Variants in PTPRD observed in about 807,000 individuals in gnomAD.
The protein encoded by PTPRD is protein tyrosine phosphatase receptor type D.
Under a neutral mutation model 214.5 loss-of-function variants are expected in PTPRD, and 34 were observed. That is an observed-to-expected ratio of 0.16 (90% CI 0.12 to 0.21). PTPRD has a LOEUF of 0.21. PTPRD is among the 10% of genes least tolerant of loss of function. The pLI is 1.00. For synonymous variants in PTPRD, 1,128 were observed against 845.7 expected, an observed-to-expected ratio of 1.33 and a Z score of -5.79; for missense variants, 2,545 against 2,398.7, an observed-to-expected ratio of 1.06 and a Z score of -1.27.
chr9:10,559,421 C>G (rs1477610930), intron 2 of PTPRD, among the ~76,000 whole-genome samples: 3 of 152,142 alleles, frequency 2.0e-5, no homozygotes, highest in Non-Finnish European at 4.4e-5. Flanking sequence ...AATGGCCACA[C>G]AGTTCTATTT....
At chr9:9,693,096 T>G (rs1410498223) in intron 7 of PTPRD, among the ~76,000 whole-genome samples, 1 of 151,970 alleles carries the variant, frequency 6.6e-6, no homozygotes, top group Non-Finnish European at 1.5e-5. Flanking sequence ...CCTTTCCAAT[T>G]TGGATGCCCT....
At chr9:9,637,815 G>C (rs915402420) in intron 7 of PTPRD, among the ~76,000 whole-genome samples, 58 of 152,170 alleles carry the variant, frequency 3.8e-4, no homozygotes, top group African/African-American at 1.4e-3. Context: ...GGCACTGTGT[G>C]GCAGTTCCAC....
chr9:8,943,835 A>G (rs1453783768), intron 11 of PTPRD, among the ~76,000 whole-genome samples: 1 of 151,722 alleles, frequency 6.6e-6, no homozygotes, highest in African/African-American at 2.4e-5. Context: ...AAGACATTGG[A>G]CTGAGTAAAG....
intron 3 of PTPRD, among the ~76,000 whole-genome samples, chr9:10,069,564 A>G (rs1287292968): frequency 6.6e-6 from 1 of 152,026 alleles, no homozygotes; most frequent in Non-Finnish European, 1.5e-5. Flanking sequence ...AACCAGATAC[A>G]GTTATTCAGA....
intron 32 of PTPRD, 88 bp from the exon 33 acceptor site, chr9:8,460,659 A>T (rs2096371839): frequency 1.5e-6 from 2 of 1,321,644 alleles, no homozygotes; most frequent in African/African-American, 3.0e-5. Context: ...AAAATCCAGG[A>T]AATAGTGGAT....
intron 14 of PTPRD, among the ~76,000 whole-genome samples, chr9:8,603,616 G>A (rs1007078707): frequency 4.6e-5 from 7 of 152,012 alleles, no homozygotes; most frequent in South Asian, 2.1e-4. Context: ...GAAGTCACCC[G>A]AATTCAGCAA....
At chr9:10,370,619 T>A (rs2097592628) in intron 2 of PTPRD, among the ~76,000 whole-genome samples, 1 of 152,110 alleles carries the variant, frequency 6.6e-6, no homozygotes, top group African/African-American at 2.4e-5. Flanking sequence ...CTATGAAATT[T>A]CTGCAGACAG....
At chr9:9,521,046 T>G (rs1044109917) in intron 8 of PTPRD, among the ~76,000 whole-genome samples, 1 of 152,176 alleles carries the variant, frequency 6.6e-6, no homozygotes, top group Non-Finnish European at 1.5e-5. Flanking sequence ...AAAGAATCTT[T>G]AATTAAAATG....
intron 3 of PTPRD, among the ~76,000 whole-genome samples, chr9:10,070,376 T>C (rs1033901107): frequency 6.6e-6 from 1 of 152,208 alleles, no homozygotes; most frequent in Admixed American, 6.6e-5. Context: ...GTACCTCTTG[T>C]TCAATAAAAT....
chr9:8,355,938 G>C (rs941345078), intron 39 of PTPRD, among the ~76,000 whole-genome samples: 1 of 152,072 alleles, frequency 6.6e-6, no homozygotes, highest in African/African-American at 2.4e-5. Context: ...ACAAAAAGGT[G>C]CACAGAATAC....
chr9:10,122,627 G>A (rs952169353), intron 3 of PTPRD, among the ~76,000 whole-genome samples: 69 of 152,042 alleles, frequency 4.5e-4, no homozygotes, highest in African/African-American at 1.5e-3. Flanking sequence ...ACCACACATT[G>A]GGCTCAATTA....
intron 3 of PTPRD, among the ~76,000 whole-genome samples, chr9:10,048,319 CACTA>C (rs2097446324): frequency 6.6e-6 from 1 of 152,106 alleles, no homozygotes; most frequent in Non-Finnish European, 1.5e-5. Flanking sequence ...ACTCAAGACT[CACTA>C]GCCCCCAGTA....
chr9:9,378,801 T>C (rs565251190), intron 9 of PTPRD, among the ~76,000 whole-genome samples: 3 of 152,262 alleles, frequency 2.0e-5, no homozygotes, highest in Non-Finnish European at 4.4e-5. Context: ...AATTGCCATC[T>C]GTATATCTTC....
chr9:8,858,036 C>G (rs1399332710), intron 11 of PTPRD: 1 of 159,596 alleles, frequency 6.3e-6, no homozygotes. Flanking sequence ...CCCGCTCCTC[C>G]TGCTCGCCCT....
chr9:9,008,205 T>TTTTTTTTATTTATTTATTTA (rs372318540), intron 11 of PTPRD, among the ~76,000 whole-genome samples: 2 of 121,220 alleles, frequency 1.6e-5, no homozygotes, highest in South Asian at 3.0e-4. Context: ...CTCCCCTTCA[T>TTTTTTTTATTTATTTATTTA]TTTATTTATT....
At chr9:9,863,453 G>C (rs2063236654) in intron 5 of PTPRD, among the ~76,000 whole-genome samples, 1 of 152,146 alleles carries the variant, frequency 6.6e-6, no homozygotes, top group South Asian at 2.1e-4. Flanking sequence ...GAATGTGTCT[G>C]ATCAGTTTCC....
chr9:10,033,287 T>G, intron 4 of PTPRD, among the ~76,000 whole-genome samples: 1 of 151,856 alleles, frequency 6.6e-6, no homozygotes, highest in Non-Finnish European at 1.5e-5. Context: ...AATAGCTACA[T>G]ATTTGACTTT....
At chr9:9,945,009 G>T (rs1278484168) in intron 4 of PTPRD, among the ~76,000 whole-genome samples, 1 of 151,258 alleles carries the variant, frequency 6.6e-6, no homozygotes, top group African/African-American at 2.5e-5. Context: ...GTGTTGAGAG[G>T]TAGCTAGAAT....
At chr9:9,843,515 T>C (rs781386373) in intron 5 of PTPRD, among the ~76,000 whole-genome samples, 42 of 151,758 alleles carry the variant, frequency 2.8e-4, no homozygotes, top group Admixed American at 1.2e-3. Context: ...TATAAGGTTT[T>C]ATAAGAATTA....
Sources: gnomAD v4.1 joint callset for allele counts (sites outside exome capture counted in the v4.1 genomes callset) on GRCh38, gnomAD v4.1.1 for gene constraint, MANE v1.5 for transcripts, NCBI Gene and HGNC (gene_info 2026-07-23, HGNC 2026-07-21) for gene names.